The following PPA1 variants were observed in gnomAD, a reference collection of about 807,000 sequenced individuals.
PPA1 encodes inorganic pyrophosphatase 1.
PPA1 carries 23 observed loss-of-function variants against 41.8 expected under a neutral mutation model. The observed-to-expected ratio is 0.55, with a 90% CI of 0.40 to 0.78. PPA1 has a LOEUF of 0.78. Ranked by LOEUF, PPA1 falls within the 30% of genes least tolerant of loss-of-function variation. The probability of loss-of-function intolerance (pLI) is 0.00; values close to 1 mark genes in which losing one functional copy is unlikely to be tolerated. For synonymous variants in PPA1, 101 were observed against 116.8 expected (o/e 0.86, Z 0.87); for missense variants, 320 against 361.6 (o/e 0.89, Z 0.93).
At chr10:70,211,181 CA>C (rs1244756150) in intron 6 of PPA1, among the ~76,000 whole-genome samples, 5 of 152,146 alleles carry the variant, frequency 3.3e-5, no homozygotes, top group African/African-American at 1.2e-4. Context: ...TAGTAAATTT[CA>C]AAGAACTTAT....
chr10:70,206,404 T>A, intron 8 of PPA1, 71 bp from the exon 9 acceptor site: 1 of 1,101,702 alleles, frequency 9.1e-7, no homozygotes, highest in Non-Finnish European at 1.4e-6. Flanking sequence ...AAAAAATGAG[T>A]TGAAAGTGGT....
chr10:70,220,947 T>TCTTA (rs1840149788), intron 2 of PPA1, among the ~76,000 whole-genome samples: 2 of 19,382 alleles, frequency 1.0e-4, no homozygotes, highest in African/African-American at 3.6e-4. Context: ...TATATATAAT[T>TCTTA]TATATATAAT....
intron 2 of PPA1, among the ~76,000 whole-genome samples, chr10:70,226,402 C>T (rs1022220840): frequency 2.6e-5 from 4 of 151,750 alleles, no homozygotes; most frequent in Non-Finnish European, 5.9e-5. Context: ...TCTACCAATA[C>T]AAAAAAATTA....
chr10:70,229,688 C>T (rs1372068869), intron 2 of PPA1, among the ~76,000 whole-genome samples: 1 of 152,204 alleles, frequency 6.6e-6, no homozygotes, highest in African/African-American at 2.4e-5. Context: ...AAAGATCCCA[C>T]AGCCAAAATT....
intron 6 of PPA1, among the ~76,000 whole-genome samples, chr10:70,212,341 G>A (rs145028501): frequency 4.6e-5 from 7 of 152,196 alleles, no homozygotes; most frequent in African/African-American, 7.2e-5. Flanking sequence ...CAACTCCTAT[G>A]TATGTACCCA....
chr10:70,208,781 T>A (rs1589890797), intron 8 of PPA1, among the ~76,000 whole-genome samples: 1 of 146,878 alleles, frequency 6.8e-6, no homozygotes, highest in Non-Finnish European at 1.5e-5. Flanking sequence ...GTACATTGGC[T>A]GTTTCTCGTA....
chr10:70,204,323 G>T (rs1425597766), intron 10 of PPA1: 1 of 152,112 alleles, frequency 6.6e-6, no homozygotes, highest in Non-Finnish European at 1.5e-5. Flanking sequence ...ACTTGGGGGG[G>T]TTACGGGTAC....
At chr10:70,227,782 A>G (rs1840247570) in intron 2 of PPA1, among the ~76,000 whole-genome samples, 1 of 151,988 alleles carries the variant, frequency 6.6e-6, no homozygotes, top group Admixed American at 6.6e-5. Flanking sequence ...TTAAAGGTAC[A>G]TGCTCACTAG....
At position 70,204,874 on chromosome 10, in the gene PPA1, G is replaced by A. The variant is rs762508851; in HGVS notation, c.837C>T (p.Asp279=). Residue 279 remains aspartate (D), a splice_region_variant and synonymous_variant, in exon 10 of 11, where the codon GAC becomes GAT. Transcript: ENST00000373232. ...PCESACTVPT[D]VDKWFHHQKN Reference sequence around the variant, plus strand: ...ATTTTACTGGAATAGAAATCTTACCGTCTGTTGGTACTGTGCAGGCAGATT... The same window carrying A: ...ATTTTACTGGAATAGAAATCTTACCATCTGTTGGTACTGTGCAGGCAGATT... 1.8e-5 allele frequency: 28 copies of A among 1,584,698 alleles called. No individual in the cohort carries two copies. The East Asian group carries it at 3.1e-4, about 18-fold the overall frequency.
At chr10:70,213,225 G>A (rs1840042111) in intron 6 of PPA1, among the ~76,000 whole-genome samples, 1 of 152,148 alleles carries the variant, frequency 6.6e-6, no homozygotes, top group African/African-American at 2.4e-5. Context: ...GGTATGTGGG[G>A]AAGGAAAGGA....
chr10:70,214,791 T>C (rs1840060796), intron 4 of PPA1, among the ~76,000 whole-genome samples: 1 of 152,114 alleles, frequency 6.6e-6, no homozygotes, highest in Admixed American at 6.5e-5. Context: ...TAAACTAAAT[T>C]TAAGCTTTAA....
intron 5 of PPA1, among the ~76,000 whole-genome samples, 190 bp from the exon 6 acceptor site, chr10:70,213,779 A>T (rs1226851314): frequency 6.6e-6 from 1 of 151,400 alleles, no homozygotes; most frequent in Admixed American, 6.6e-5. Context: ...TGAAAACAGG[A>T]CTTATAGGTC....
intron 1 of PPA1, 76 bp downstream of exon 1, chr10:70,233,188 C>T: frequency 2.0e-6 from 3 of 1,463,810 alleles, no homozygotes; most frequent in Non-Finnish European, 2.7e-6. Context: ...GCGCGGGCCG[C>T]ACCCTCCCGG....
chr10:70,212,550 CATT>C (rs1488612408), intron 6 of PPA1, among the ~76,000 whole-genome samples: 1 of 152,014 alleles, frequency 6.6e-6, no homozygotes, highest in Non-Finnish European at 1.5e-5. Flanking sequence ...ACCTAGAAAA[CATT>C]ATACTAAGTG....
chr10:70,223,803 C>A (rs540123665), intron 2 of PPA1, among the ~76,000 whole-genome samples: 1 of 152,292 alleles, frequency 6.6e-6, no homozygotes, highest in African/African-American at 2.4e-5. Context: ...GTTACAAATT[C>A]ATTCCTTCTT....
At chr10:70,222,739 A>G (rs1474063176) in intron 2 of PPA1, among the ~76,000 whole-genome samples, 1 of 152,110 alleles carries the variant, frequency 6.6e-6, no homozygotes, top group Non-Finnish European at 1.5e-5. Flanking sequence ...GGTTTGTTAC[A>G]TATGTATACA....
At chr10:70,209,722 G>T in intron 6 of PPA1, 37 bp from the exon 7 acceptor site, 3 of 1,541,784 alleles carry the variant, frequency 1.9e-6, no homozygotes, top group South Asian at 1.2e-5. Flanking sequence ...CAGTGAGAAT[G>T]ATTTTTTTAA....
rs1202580434 is a variant in PPA1 at position 70,220,647 on chromosome 10, T to A, written c.124-1830A>T. 9.4e-4 allele frequency among the ~76,000 whole-genome samples: 4 copies of A among 4,234 alleles called. 2 individuals carry two copies. Among genetic ancestry groups the A allele is most frequent in the Non-Finnish European group, 1.5e-3 (4 of 2,614 alleles). 2.8% of individuals were successfully genotyped at this position (4,234 alleles called of 152,430 possible). On this transcript the variant is annotated intron_variant, in intron 2 of 10. Transcript: ENST00000373232. ...TTTATATATATATAATATATATAAT[T>A]TATATATATATTATATATAATTTAT...
chr10:70,220,318 G>A (rs1400350377), intron 2 of PPA1, among the ~76,000 whole-genome samples: 1 of 140,334 alleles, frequency 7.1e-6, no homozygotes. Flanking sequence ...AGTGGTATGA[G>A]CTTGACTCAC....
Sources: allele counts gnomAD v4.1 joint callset (sites outside exome capture counted in the v4.1 genomes callset), GRCh38; gene constraint gnomAD v4.1.1; transcripts MANE v1.5; gene names NCBI Gene and HGNC (gene_info 2026-07-23, HGNC 2026-07-21).